Variants in DAB2IP observed in about 807,000 individuals in gnomAD.
DAB2IP encodes the protein DAB2 interacting protein, also known as disabled homolog 2-interacting protein.
A neutral mutation model predicts 107.2 loss-of-function variants in DAB2IP; 28 were observed. The observed-to-expected ratio is 0.26, with a 90% confidence interval of 0.19 to 0.36. DAB2IP has a LOEUF of 0.36. Among genes scored for constraint, DAB2IP ranks in the 10% least tolerant of loss-of-function variants. The pLI, the probability that DAB2IP is intolerant of heterozygous loss-of-function variation, is 1.00. For synonymous variants in DAB2IP, 755 were observed against 706.4 expected (o/e 1.07, Z -1.09); for missense variants, 1,400 against 1,644.7 (o/e 0.85, Z 2.57).
intron 1 of DAB2IP, among the ~76,000 whole-genome samples, chr9:121,613,008 T>C (rs568090296): frequency 2.6e-5 from 4 of 152,338 alleles, no homozygotes; most frequent in African/African-American, 9.6e-5. Context: ...CCATTTGTCC[T>C]GGCTATTCCT....
intron 1 of DAB2IP, among the ~76,000 whole-genome samples, chr9:121,621,825 T>TTC (rs397770200): frequency 1.3e-5 from 2 of 149,640 alleles, no homozygotes; most frequent in Non-Finnish European, 3.0e-5. Context: ...TTTTTTTTTT[T>TTC]CGTATTTTTA....
intron 2 of DAB2IP, among the ~76,000 whole-genome samples, chr9:121,683,471 C>T (rs896333095): frequency 6.6e-6 from 1 of 152,162 alleles, no homozygotes; most frequent in Non-Finnish European, 1.5e-5. Context: ...GGAAACTTGA[C>T]AGCCAATTGA....
chr9:121,652,055 C>T (rs1832765943), intron 1 of DAB2IP, among the ~76,000 whole-genome samples, 156 bp downstream of exon 1: 2 of 152,204 alleles, frequency 1.3e-5, no homozygotes, highest in African/African-American at 4.8e-5. Context: ...CCCATTCCCC[C>T]AGCTTCTGCT....
chr9:121,697,199 T>A (rs949942318), intron 2 of DAB2IP, among the ~76,000 whole-genome samples: 1 of 152,184 alleles, frequency 6.6e-6, no homozygotes, highest in African/African-American at 2.4e-5. Flanking sequence ...GAAAACTTTT[T>A]TGTTTAAACT....
intron 1 of DAB2IP, among the ~76,000 whole-genome samples, chr9:121,637,570 G>T (rs1832132725): frequency 6.6e-6 from 1 of 152,180 alleles, no homozygotes; most frequent in Admixed American, 6.5e-5. Flanking sequence ...CTCTCTGTTG[G>T]AGGAAGGGAG....
At chr9:121,722,903 C>T (rs1831020381) in intron 3 of DAB2IP, among the ~76,000 whole-genome samples, 1 of 152,196 alleles carries the variant, frequency 6.6e-6, no homozygotes, top group South Asian at 2.1e-4. Context: ...CCACTCCCAC[C>T]ATAGAATCTC....
chr9:121,583,639 C>T (rs1202342140), intron 1 of DAB2IP, among the ~76,000 whole-genome samples: 1 of 133,592 alleles, frequency 7.5e-6, no homozygotes, highest in Non-Finnish European at 1.6e-5. Flanking sequence ...CAAGGCGGGG[C>T]AGCTGTTGGG....
rs1343288917 is a variant in DAB2IP at position 121,634,945 on chromosome 9, G to A, written c.41-43733G>A. Among the ~76,000 whole-genome samples, 1 of 152,188 alleles carries A rather than the reference G, an allele frequency of 6.6e-6. No homozygotes were observed. The highest frequency in any genetic ancestry group is 1.5e-5 in the Non-Finnish European group (1 of 68,038). The stretch of plus-strand genomic sequence containing the variant: ...CCCTCAGCCAGAACAGCCAACACCA[G>A]GCAGGTTTGATGCCTGATACCATGG... On this transcript the variant is annotated intron_variant, in intron 1 of 16. Transcript: ENST00000259371. This position sits in a 1 kb window ranked among gnomAD's most constrained non-coding sequence, Gnocchi z 4.7.
intron 1 of DAB2IP, among the ~76,000 whole-genome samples, chr9:121,598,116 C>A (rs1402688609): frequency 6.6e-6 from 1 of 152,212 alleles, no homozygotes; most frequent in Non-Finnish European, 1.5e-5. Context: ...TGGGCCCAGG[C>A]GCTGTCTTCA....
intron 1 of DAB2IP, among the ~76,000 whole-genome samples, chr9:121,608,846 C>T (rs769967024): frequency 5.3e-5 from 8 of 152,238 alleles, no homozygotes; most frequent in East Asian, 1.9e-4. Flanking sequence ...GGGAGCACCC[C>T]GTTTTCTGCT....
At chr9:121,754,408 C>T (rs1003697584) in intron 3 of DAB2IP, among the ~76,000 whole-genome samples, 1 of 152,222 alleles carries the variant, frequency 6.6e-6, no homozygotes, top group African/African-American at 2.4e-5. Flanking sequence ...CCTGGGAGAG[C>T]TTGCGGGAAC....
chr9:121,586,349 C>T (rs961020484), intron 1 of DAB2IP, among the ~76,000 whole-genome samples: 11 of 152,200 alleles, frequency 7.2e-5, no homozygotes, highest in South Asian at 4.1e-4. Flanking sequence ...TTCTCTATAG[C>T]GTTGCAGTTG....
At chr9:121,740,377 C>T (rs533879607) in intron 3 of DAB2IP, among the ~76,000 whole-genome samples, 5 of 152,164 alleles carry the variant, frequency 3.3e-5, no homozygotes, top group South Asian at 4.2e-4. Flanking sequence ...ACCCTGTGTT[C>T]CCCCCGTCAG....
At chr9:121,678,957 C>T in intron 2 of DAB2IP, 176 bp downstream of exon 2, 1 of 578,460 alleles carries the variant, frequency 1.7e-6, no homozygotes. Flanking sequence ...CGTGGCTCAG[C>T]CCTGGTCCCG....
intron 3 of DAB2IP, among the ~76,000 whole-genome samples, chr9:121,755,398 G>T (rs1313016222): frequency 6.6e-6 from 1 of 152,262 alleles, no homozygotes; most frequent in Non-Finnish European, 1.5e-5. Context: ...GGGAGTTGGG[G>T]AGGGTTCCCC....
Position 121,671,577 on chromosome 9 carries a change from T to G in DAB2IP, c.125-7101T>G, listed in dbSNP as rs1375160857. Among the ~76,000 whole-genome samples the G allele has an allele frequency of 2.0e-5, 3 of 152,332 alleles. No individual in the cohort carries two copies. In the South Asian group the frequency reaches 6.2e-4, roughly 32 times the overall value. On this transcript the variant is annotated intron_variant, in intron 1 of 15. Transcript: ENST00000408936. ...TAACCATTCATCTATAGAAGGATGTTTGGTTGTTTCCAGTTTTGGGGCTAT... is the reference window on the plus strand; with the variant it reads ...TAACCATTCATCTATAGAAGGATGTGTGGTTGTTTCCAGTTTTGGGGCTAT...
At chr9:121,586,666 C>G (rs1023944129) in intron 1 of DAB2IP, among the ~76,000 whole-genome samples, 3 of 151,826 alleles carry the variant, frequency 2.0e-5, no homozygotes, top group South Asian at 2.1e-4. Flanking sequence ...AAAAAAATAC[C>G]AAAATTAGCC....
intron 1 of DAB2IP, among the ~76,000 whole-genome samples, chr9:121,601,367 T>A (rs1309462065): frequency 1.3e-5 from 2 of 152,194 alleles, no homozygotes; most frequent in African/African-American, 4.8e-5. Context: ...TTTGCTAGGA[T>A]CCTCTAGTGA....
upstream of DAB2IP, among the ~76,000 whole-genome samples, chr9:121,649,179 T>A (rs1412726352): frequency 6.6e-6 from 1 of 152,080 alleles, no homozygotes; most frequent in Non-Finnish European, 1.5e-5. Flanking sequence ...CCCATTCCCA[T>A]CCCAAGGGTA....
Sources: gnomAD v4.1 joint callset for allele counts (sites outside exome capture counted in the v4.1 genomes callset) on GRCh38, gnomAD v4.1.1 for gene constraint, Gnocchi (gnomAD v3.1) non-coding constraint, MANE v1.5 for transcripts, NCBI Gene and HGNC (gene_info 2026-07-23, HGNC 2026-07-21) for gene names.